Variants in EP300 observed in about 807,000 individuals in gnomAD.
EP300 encodes the protein histone acetyltransferase p300.
Under a neutral mutation model 264.0 loss-of-function variants are expected in EP300, and 31 were observed. The ratio of observed to expected loss-of-function variants is 0.12; its 90% CI spans 0.09 to 0.16. The LOEUF is 0.16. Among genes scored for constraint, EP300 ranks in the 10% least tolerant of loss-of-function variants. EP300 has a pLI of 1.00. For synonymous variants in EP300, 1,340 were observed against 1,045.4 expected, an observed-to-expected ratio of 1.28 and a Z score of -5.44; for missense variants, 2,766 against 3,052.9, an observed-to-expected ratio of 0.91 and a Z score of 2.21.
chr22:41,145,940 C>T (rs2059008292), intron 10 of EP300, among the ~76,000 whole-genome samples: 1 of 151,798 alleles, frequency 6.6e-6, no homozygotes. Context: ...AGAATTATTT[C>T]TGTTTTTGTA....
rs963387038 is a variant in EP300, at chr22:41,137,021, C to T, written c.1623-632C>T. ...GTTGCAGTGAGCTGAGATCATGCCACTGCACTCCAGCCTGGGTGACAGAGC... is the reference window on the plus strand; with the variant it reads ...GTTGCAGTGAGCTGAGATCATGCCATTGCACTCCAGCCTGGGTGACAGAGC... On this transcript the variant is annotated intron_variant, in intron 7 of 30. Coordinates refer to ENST00000263253, the MANE Select transcript of EP300 (RefSeq NM_001429.4). Among the ~76,000 whole-genome samples the T allele has an allele frequency of 2.0e-5, 3 of 151,514 alleles. No homozygotes were observed. In the South Asian group the frequency reaches 6.3e-4, roughly 32 times the overall value.
intron 19 of EP300, 28 bp from the exon 20 acceptor site, chr22:41,160,614 C>T (rs2145752220): frequency 6.2e-7 from 1 of 1,610,246 alleles, no homozygotes; most frequent in Non-Finnish European, 8.5e-7. Flanking sequence ...CGGAACAGTT[C>T]ACCCCAGTAT....
chr22:41,101,687 AG>A (rs1233733876), intron 1 of EP300, among the ~76,000 whole-genome samples: 1 of 152,138 alleles, frequency 6.6e-6, no homozygotes, highest in Admixed American at 6.6e-5. Context: ...CTGGGATTAC[AG>A]GGGTAAGCCA....
chr22:41,141,850 T>A (rs1169371100), intron 10 of EP300, among the ~76,000 whole-genome samples: 2 of 152,062 alleles, frequency 1.3e-5, no homozygotes, highest in African/African-American at 4.8e-5. Context: ...CTAATTTTTG[T>A]ATTTTTCGTA....
At chr22:41,154,934 A>AT (rs1569109872) in intron 16 of EP300, 61 bp from the exon 17 acceptor site, 2 of 1,154,074 alleles carry the variant, frequency 1.7e-6, no homozygotes, top group Admixed American at 1.7e-5. Flanking sequence ...AGGCTGAATG[A>AT]TTTTTTAAAG....
intron 1 of EP300, among the ~76,000 whole-genome samples, chr22:41,104,516 C>T (rs1412777025): frequency 6.6e-6 from 1 of 152,076 alleles, no homozygotes. Context: ...CCTCGAACTC[C>T]TGACCTCAGG....
rs1163457975 is a variant in EP300, at chr22:41,167,602, A to AC, written c.3875-847_3875-846insC. Among the ~76,000 whole-genome samples the AC allele has an allele frequency of 7.5e-3, 178 of 23,864 alleles. 9 individuals carry two copies. Among genetic ancestry groups the AC allele is most frequent in the Non-Finnish European group, 0.012 (105 of 8,760 alleles). The allele number at this position is 23,864 out of a possible 152,430, so 15.7% of individuals were successfully genotyped here. Reference sequence around the variant, plus strand: ...TGTGTGTGTATATATATATATATATATATATATATATATATATATATATAT... The same window carrying AC: ...TGTGTGTGTATATATATATATATATACTATATATATATATATATATATATAT... On this transcript the variant is annotated intron_variant, in intron 23 of 30. Transcript: ENST00000263253.
Position 41,111,862 on chromosome 22 carries a change from T to A in EP300, c.95-5325T>A, listed in dbSNP as rs1176785504. 2.0e-5 allele frequency among the ~76,000 whole-genome samples: 3 copies of A among 148,486 alleles called. No individual in the cohort carries two copies. The Admixed American group carries it at 2.0e-4, about 10-fold the overall frequency. ...ACTTTTTTCTCTTTTTTTTTCTTTTTTAGAACTTGTAACCTTTTTTTTTTT... is the reference window on the plus strand; with the variant it reads ...ACTTTTTTCTCTTTTTTTTTCTTTTATAGAACTTGTAACCTTTTTTTTTTT... On this transcript the variant is annotated intron_variant, in intron 1 of 30. Transcript: ENST00000263253.
intron 2 of EP300, among the ~76,000 whole-genome samples, chr22:41,125,112 C>CTTTTTTTT (rs930135062): frequency 1.1e-4 from 9 of 80,370 alleles, no homozygotes; most frequent in African/African-American, 3.0e-4. Context: ...CTTTTCTTTC[C>CTTTTTTTT]TTTTTTTTTT....
chr22:41,167,826 G>GTTTTTT (rs1192332279), intron 23 of EP300, among the ~76,000 whole-genome samples: 519 of 31,564 alleles, frequency 0.016, no homozygotes, highest in East Asian at 0.038. Flanking sequence ...TTTTTTTTTT[G>GTTTTTT]TTTTTTTTTT....
rs1473412298 is a variant in EP300, at chr22:41,179,758, T to TAACA, written c.*805_*808dup. The TAACA allele has an allele frequency of 1.7e-5, 4 of 231,056 alleles. No individual in the cohort carries two copies. Among genetic ancestry groups the TAACA allele is most frequent in the Admixed American group, 5.7e-5 (1 of 17,670 alleles). The allele number at this position is 231,056 out of a possible 1,614,324, so 14.3% of individuals were successfully genotyped here. Reference sequence around the variant, plus strand: ...GAATTTTTTTCGTTATTTTTACATCTAACAAAGTAAAAAAATTAAAAAGAG... The same window carrying TAACA: ...GAATTTTTTTCGTTATTTTTACATCTAACAAACAAAGTAAAAAAATTAAAAAGAG... On this transcript the variant is annotated 3_prime_UTR_variant, in exon 31 of 31. Coordinates refer to ENST00000263253, the MANE Select transcript of EP300 (RefSeq NM_001429.4).
intron 27 of EP300, among the ~76,000 whole-genome samples, chr22:41,170,773 T>C (rs1450535501): frequency 6.8e-6 from 1 of 147,764 alleles, no homozygotes; most frequent in Non-Finnish European, 1.5e-5. Context: ...GCCATTCTCC[T>C]GCCTCAGCCT....
intron 2 of EP300, among the ~76,000 whole-genome samples, chr22:41,118,718 G>A (rs2058834852): frequency 6.6e-6 from 1 of 152,120 alleles, no homozygotes; most frequent in East Asian, 1.9e-4. Flanking sequence ...CACTTTGGGA[G>A]GCCAAGGCTA....
At chr22:41,176,217 C>T (rs1370137469) in intron 29 of EP300, 30 bp from the exon 30 acceptor site, 1 of 1,613,570 alleles carries the variant, frequency 6.2e-7, no homozygotes. Context: ...GAGGCCCTGT[C>T]TCAAAAAAAA....
intron 1 of EP300, among the ~76,000 whole-genome samples, chr22:41,110,118 C>CA (rs1491553029): frequency 1.1e-4 from 1 of 8,724 alleles, no homozygotes; most frequent in Admixed American, 2.7e-3. Flanking sequence ...CTGTTCCCTG[C>CA]CCCCCCCCCC....
Position 41,178,655 on chromosome 22 carries a change from C to G in EP300, c.6944C>G (p.Ser2315Cys). 1.9e-6 allele frequency: 3 copies of G among 1,614,172 alleles called. No homozygotes were observed. The highest frequency in any genetic ancestry group is 2.5e-6 in the Non-Finnish European group (3 of 1,180,028). ...GTGCGCTCTCCCCAGCCTGTCCCTT[C>G]TCCACGGCCACAGTCCCAGCCCCCC... ...NQVRSPQPVPSPRPQSQPPHS... is the reference protein window; with the variant it reads ...NQVRSPQPVPCPRPQSQPPHS... The change falls in exon 31 of 31, where the codon TCT (serine) becomes TGT (cysteine). Residue 2315 changes from serine (S) to cysteine (C), a missense_variant. By Grantham distance (112) the Ser-to-Cys change is moderately radical. Transcript: ENST00000263253.
Position 41,168,473 on chromosome 22 carries a change from C to G in EP300, c.3899C>G (p.Thr1300Ser). ...GGGTTGCCATCTACCAGACTTGGCA[C>G]CTTTCTAGAGAATCGTGTGAATGAC... ...AKRLPSTRLG[T>S]FLENRVNDFL... The change falls in exon 24 of 31, where the codon ACC (threonine) becomes AGC (serine). Residue 1300 changes from threonine to serine, a missense_variant. Thr to Ser is a moderately conservative substitution (Grantham distance 58). Transcript: ENST00000263253. 6.2e-7 allele frequency: 1 copy of G among 1,614,202 alleles called. No individual in the cohort carries two copies. The highest frequency in any genetic ancestry group is 8.5e-7 in the Non-Finnish European group (1 of 1,180,040).
intron 1 of EP300, among the ~76,000 whole-genome samples, chr22:41,111,875 CCTTTTTT>C (rs2058792734): frequency 8.7e-6 from 1 of 114,556 alleles, no homozygotes; most frequent in African/African-American, 3.1e-5. Flanking sequence ...GAACTTGTAA[CCTTTTTT>C]TTTTTTTTTT....
intron 1 of EP300, among the ~76,000 whole-genome samples, chr22:41,113,256 AATTT>A (rs1270913609): frequency 2.1e-5 from 3 of 144,974 alleles, no homozygotes; most frequent in Admixed American, 7.3e-5. Context: ...TTTTCTCCGG[AATTT>A]ATTTATTTTG....
Sources: gnomAD v4.1 joint callset for allele counts (sites outside exome capture counted in the v4.1 genomes callset) on GRCh38, gnomAD v4.1.1 for gene constraint, MANE v1.5 for transcripts, NCBI Gene and HGNC (gene_info 2026-07-23, HGNC 2026-07-21) for gene names.